ZNF536: variants seen among roughly 807,000 people sequenced by gnomAD.
ZNF536 encodes the protein zinc finger protein 536.
In ZNF536, 13 loss-of-function variants were observed where a neutral mutation model predicts 84.5. That is an observed-to-expected ratio of 0.15 (90% CI 0.10 to 0.24). The LOEUF (loss-of-function observed/expected upper bound fraction) is 0.24. Among genes scored for constraint, ZNF536 ranks in the 10% least tolerant of loss-of-function variants. ZNF536 has a pLI of 1.00. For synonymous variants in ZNF536, 811 were observed against 742.5 expected (o/e 1.09, Z -1.50); for missense variants, 1,536 against 1,747.5 (o/e 0.88, Z 2.16).
chr19:30,575,489 G>T (rs1041427037), intron 1 of ZNF536, among the ~76,000 whole-genome samples: 6 of 152,246 alleles, frequency 3.9e-5, no homozygotes, highest in Non-Finnish European at 7.3e-5. Context: ...GACTGAGGGA[G>T]TAGCGACATC....
chr19:30,645,960 T>C (rs895080294), intron 1 of ZNF536, among the ~76,000 whole-genome samples: 8 of 152,028 alleles, frequency 5.3e-5, no homozygotes, highest in Admixed American at 3.9e-4. Context: ...TCTTGCTGGA[T>C]AAGCTTTGGG....
intron 1 of ZNF536, among the ~76,000 whole-genome samples, chr19:30,610,447 T>C (rs1356161432): frequency 6.6e-6 from 1 of 152,082 alleles, no homozygotes; most frequent in Admixed American, 6.5e-5. Context: ...CCCCTCTGGG[T>C]GGGGGAGGCT....
chr19:30,522,182 T>C (rs2044345447), intron 2 of ZNF536, among the ~76,000 whole-genome samples: 1 of 132,070 alleles, frequency 7.6e-6, no homozygotes, highest in South Asian at 2.5e-4. Context: ...GGTTTTGTCC[T>C]TTGGAAGTCC....
intron 1 of ZNF536, among the ~76,000 whole-genome samples, chr19:30,433,346 G>T (rs1259602476): frequency 6.6e-6 from 1 of 152,142 alleles, no homozygotes; most frequent in East Asian, 1.9e-4. Flanking sequence ...CCCCAATTCA[G>T]CTTTTAAAGG....
At chr19:30,405,518 G>A (rs1335804476) in intron 1 of ZNF536, among the ~76,000 whole-genome samples, 1 of 152,088 alleles carries the variant, frequency 6.6e-6, no homozygotes, top group Non-Finnish European at 1.5e-5. Context: ...CTGGCTTCAG[G>A]CTTGATGGGT....
At chr19:30,408,130 G>T (rs537668697) in intron 1 of ZNF536, among the ~76,000 whole-genome samples, 15 of 152,318 alleles carry the variant, frequency 9.8e-5, no homozygotes, top group Admixed American at 1.3e-4. Flanking sequence ...GTGAGTGGAT[G>T]CATGTACCTG....
At chr19:30,305,016 G>A (rs2046302981) in intron 2 of ZNF536, among the ~76,000 whole-genome samples, 1 of 152,222 alleles carries the variant, frequency 6.6e-6, no homozygotes, top group Non-Finnish European at 1.5e-5. Context: ...CTGAAGTTCT[G>A]CAGAATTAAG....
chr19:30,624,090 G>A (rs529566133), intron 1 of ZNF536, among the ~76,000 whole-genome samples: 63 of 152,236 alleles, frequency 4.1e-4, no homozygotes, highest in African/African-American at 1.4e-3. Context: ...GCGTATTGTG[G>A]GGTGTGTGGC....
At chr19:30,309,510 C>T (rs997013949) in intron 2 of ZNF536, among the ~76,000 whole-genome samples, 2 of 152,138 alleles carry the variant, frequency 1.3e-5, no homozygotes, top group African/African-American at 4.8e-5. Context: ...GCTGAAAAGG[C>T]GCACTGCTGC....
chr19:30,555,894 C>T (rs1233710567), intron 4 of ZNF536: 1 of 152,204 alleles, frequency 6.6e-6, no homozygotes, highest in African/African-American at 2.4e-5. Context: ...TGTGGGAGTG[C>T]AGGCTGTACC....
chr19:30,431,378 G>A (rs1005198537), intron 1 of ZNF536, among the ~76,000 whole-genome samples: 24 of 152,320 alleles, frequency 1.6e-4, no homozygotes, highest in Non-Finnish European at 2.4e-4. Context: ...TAGCCTCAGC[G>A]CAGAAATTGC....
intron 1 of ZNF536, among the ~76,000 whole-genome samples, chr19:30,704,253 T>C (rs1053589873): frequency 6.6e-6 from 1 of 152,204 alleles, no homozygotes; most frequent in Non-Finnish European, 1.5e-5. Flanking sequence ...TCAACATTGA[T>C]GGACATTAGC....
chr19:30,442,165 A>G (rs1333845385), intron 1 of ZNF536, among the ~76,000 whole-genome samples: 2 of 152,234 alleles, frequency 1.3e-5, no homozygotes, highest in Admixed American at 1.3e-4. Flanking sequence ...GGTGGGAGAC[A>G]TAGCTGGAAA....
intron 1 of ZNF536, among the ~76,000 whole-genome samples, chr19:30,651,664 T>C (rs2049712507): frequency 1.3e-5 from 2 of 152,192 alleles, no homozygotes; most frequent in African/African-American, 2.4e-5. Context: ...AAAGATGCCA[T>C]ATTTTCAGAT....
In ZNF536 at chr19:30,302,529, C is replaced by T. The variant is rs551136071; in HGVS notation, c.-120+18388C>T. Among the ~76,000 whole-genome samples the T allele has an allele frequency of 3.9e-5, 6 of 152,214 alleles. No individual in the cohort carries two copies. In the East Asian group the frequency reaches 5.8e-4, roughly 15 times the overall value. ...GGGAAGTCAGGTGTCTGGGTCCATG[C>T]GGCCACTGAACAGCAGACACAGGAC... On this transcript the variant is annotated intron_variant, in intron 2 of 5. Transcript: ENST00000585628.
At position 30,658,092 on chromosome 19, in the gene ZNF536, G is replaced by A. The variant is rs1004476547; in HGVS notation, c.170-52665G>A. Among the ~76,000 whole-genome samples the A allele has an allele frequency of 2.7e-5, 4 of 150,622 alleles. No individual in the cohort carries two copies. The East Asian group carries it at 7.8e-4, about 29-fold the overall frequency. Reference sequence around the variant, plus strand: ...GGCTGGAGTGCAGTGGCGCAATCTCGGCTCACTGCAACCTCTGCCTCCCAG... The same window carrying A: ...GGCTGGAGTGCAGTGGCGCAATCTCAGCTCACTGCAACCTCTGCCTCCCAG... On this transcript the variant is annotated intron_variant, in intron 1 of 1. Transcript: ENST00000592773.
chr19:30,385,707 A>G (rs1278355552), intron 1 of ZNF536, among the ~76,000 whole-genome samples: 1 of 151,894 alleles, frequency 6.6e-6, no homozygotes, highest in East Asian at 1.9e-4. Context: ...TATTCCTTCT[A>G]CCCATATTCC....
At chr19:30,275,095 G>A (rs1475139667) in intron 1 of ZNF536, among the ~76,000 whole-genome samples, 1 of 152,148 alleles carries the variant, frequency 6.6e-6, no homozygotes, top group Non-Finnish European at 1.5e-5. Context: ...TGGGGTGAGA[G>A]ATCCAGGGCA....
upstream of ZNF536, among the ~76,000 whole-genome samples, chr19:30,228,026 G>C (rs2022719375): frequency 6.6e-6 from 1 of 152,168 alleles, no homozygotes; most frequent in Admixed American, 6.5e-5. The surrounding 1 kb of genome is among the most constrained non-coding windows in gnomAD (Gnocchi z 4.5). Context: ...AGGTGAACTT[G>C]GGGTGGGGTG....
Sources: gnomAD v4.1 joint callset for allele counts (sites outside exome capture counted in the v4.1 genomes callset) on GRCh38, gnomAD v4.1.1 for gene constraint, Gnocchi (gnomAD v3.1) non-coding constraint, MANE v1.5 for transcripts, NCBI Gene and HGNC (gene_info 2026-07-23, HGNC 2026-07-21) for gene names.